The following CFAP54 variants were observed in gnomAD, a reference collection of about 807,000 sequenced individuals.
CFAP54 encodes the protein cilia- and flagella-associated protein 54.
A neutral mutation model predicts 370.4 loss-of-function variants in CFAP54; 290 were observed. That is an observed-to-expected ratio of 0.78 (90% CI 0.71 to 0.86). The LOEUF (loss-of-function observed/expected upper bound fraction) is 0.86, where lower values mean the gene tolerates loss of function less well. Ranked by LOEUF, CFAP54 falls within the 40% of genes least tolerant of loss-of-function variation. The pLI is 0.00. For missense variants in CFAP54, 3,399 were observed against 3,528.7 expected (o/e 0.96, Z 0.93); for synonymous variants, 1,206 against 1,236.5 (o/e 0.98, Z 0.52).
rs571663130 is a variant in CFAP54 at position 96,657,738 on chromosome 12, A to G, written c.5101-144A>G. 2.4e-4 allele frequency: 154 copies of G among 645,086 alleles called. No homozygotes were observed. The East Asian group carries it at 4.0e-3, about 17-fold the overall frequency. 40.0% of individuals were successfully genotyped at this position (645,086 alleles called of 1,614,324 possible). A position where few individuals can be genotyped will look rare whatever the true frequency, so the allele number is the denominator to read the frequency against. ...CTGGATAATACTGCATCAAATTATC[A>G]AGCTTTGACTTGCATAAGAAAAATA... On this transcript the variant is annotated intron_variant, in intron 36 of 67. Transcript: ENST00000524981.
At chr12:96,763,843 T>G (rs750241747) in intron 58 of CFAP54, among the ~76,000 whole-genome samples, 1 of 152,058 alleles carries the variant, frequency 6.6e-6, no homozygotes, top group Non-Finnish European at 1.5e-5. Flanking sequence ...TTATAGAAAA[T>G]TAGAAAAAAA....
intron 46 of CFAP54, among the ~76,000 whole-genome samples, chr12:96,704,462 AT>A (rs1957525713): frequency 2.0e-5 from 1 of 50,604 alleles, no homozygotes; most frequent in Non-Finnish European, 3.7e-5. Context: ...GTATATATAT[AT>A]ATATATATAT....
Position 96,761,251 on chromosome 12 carries a change from A to G in CFAP54, c.8041-2900A>G, listed in dbSNP as rs139099202. 5.9e-3 allele frequency among the ~76,000 whole-genome samples: 885 copies of G among 149,972 alleles called. 8 individuals carry two copies. Among genetic ancestry groups the G allele is most frequent in the African/African-American group, 0.02 (825 of 41,046 alleles). On this transcript the variant is annotated intron_variant, in intron 58 of 67. Coordinates refer to ENST00000524981, the MANE Select transcript of CFAP54 (RefSeq NM_001306084.2). The stretch of plus-strand genomic sequence containing the variant: ...GGATATTTTCATGTGCTTATTGGCC[A>G]TTTGTGTATCTTCTTTGGGGAAATG...
At chr12:96,493,236 A>G (rs761780355) in intron 1 of CFAP54, among the ~76,000 whole-genome samples, 3 of 152,236 alleles carry the variant, frequency 2.0e-5, no homozygotes, top group Non-Finnish European at 4.4e-5. Context: ...TGTACTTGAC[A>G]CTGGTTACAC....
chr12:96,797,129 A>G (rs149685116), intron 63 of CFAP54, among the ~76,000 whole-genome samples: 39 of 152,248 alleles, frequency 2.6e-4, no homozygotes, highest in African/African-American at 8.2e-4. Context: ...ATTCCAAACT[A>G]TGTGGAGCTT....
intron 46 of CFAP54, 138 bp downstream of exon 46, chr12:96,700,231 C>T (rs1312580165): frequency 6.4e-6 from 6 of 933,192 alleles, no homozygotes; most frequent in Non-Finnish European, 9.5e-6. Flanking sequence ...TTACAACTAA[C>T]ATCAGGATTT....
rs756351261 is a variant in CFAP54, at chr12:96,718,514, A to C, written c.6796A>C (p.Met2266Leu). 6.4e-7 allele frequency: 1 copy of C among 1,561,256 alleles called. No homozygotes were observed. Among genetic ancestry groups the C allele is most frequent in the East Asian group, 2.2e-5 (1 of 44,496 alleles). ...ACTTAAAGATGAGATCACTCTTAGC[A>C]TGCTAAAGGTAAGTTTGAAACTGTT... ...TKLKDEITLSMLKSMLLMEAE... is the reference protein window; with the variant it reads ...TKLKDEITLSLLKSMLLMEAE... The change falls in exon 49 of 68, where the codon ATG becomes CTG. Residue 2266 changes from methionine (M) to leucine (L), a missense_variant. Transcript: ENST00000524981.
chr12:96,587,883 C>T (rs777522429), intron 22 of CFAP54, among the ~76,000 whole-genome samples: 11 of 152,112 alleles, frequency 7.2e-5, no homozygotes, highest in Non-Finnish European at 7.4e-5. Context: ...ATTAACCACT[C>T]GAAGACTTGG....
intron 50 of CFAP54, among the ~76,000 whole-genome samples, chr12:96,731,484 A>C (rs1011968679): frequency 2.6e-5 from 4 of 152,230 alleles, no homozygotes; most frequent in African/African-American, 4.8e-5. Flanking sequence ...GTATTTGGCA[A>C]ATATTTTATT....
intron 23 of CFAP54, among the ~76,000 whole-genome samples, chr12:96,590,466 A>C (rs1956113733): frequency 6.6e-6 from 1 of 152,250 alleles, no homozygotes; most frequent in African/African-American, 2.4e-5. Context: ...TTAATGCCTG[A>C]AAGTTTTAAA....
chr12:96,614,542 G>A (rs958747348), intron 26 of CFAP54, among the ~76,000 whole-genome samples: 3 of 152,100 alleles, frequency 2.0e-5, no homozygotes, highest in Non-Finnish European at 4.4e-5. Flanking sequence ...AGAAATAAAG[G>A]GTATTCAATT....
At chr12:96,818,774 G>T (rs1189936626) in intron 65 of CFAP54, among the ~76,000 whole-genome samples, 1 of 152,166 alleles carries the variant, frequency 6.6e-6, no homozygotes, top group Non-Finnish European at 1.5e-5. Flanking sequence ...AGCCTAGCAT[G>T]CTCTGTTGCT....
intron 38 of CFAP54, 115 bp downstream of exon 38, chr12:96,658,461 A>G (rs1168286659): frequency 2.4e-6 from 3 of 1,240,988 alleles, no homozygotes; most frequent in Non-Finnish European, 3.4e-6. Context: ...TAGTATTTCC[A>G]CTTACTGGCA....
At chr12:96,851,944 A>T (rs900217885) in intron 66 of CFAP54, among the ~76,000 whole-genome samples, 1 of 152,102 alleles carries the variant, frequency 6.6e-6, no homozygotes, top group Non-Finnish European at 1.5e-5. Context: ...AGCTTTCATT[A>T]TTCACAGACA....
At chr12:96,571,997 A>G (rs1955923502) in intron 19 of CFAP54, among the ~76,000 whole-genome samples, 1 of 152,178 alleles carries the variant, frequency 6.6e-6, no homozygotes, top group Non-Finnish European at 1.5e-5. Context: ...CCTATTTCAA[A>G]TTGGGCCATG....
chr12:96,768,056 C>T (rs1958417806), intron 60 of CFAP54, among the ~76,000 whole-genome samples: 1 of 152,102 alleles, frequency 6.6e-6, no homozygotes, highest in Admixed American at 6.6e-5. Context: ...TGCAGTGGCT[C>T]ATGCCTGTAA....
chr12:96,597,873 G>A (rs1041748211), intron 25 of CFAP54, among the ~76,000 whole-genome samples: 5 of 151,876 alleles, frequency 3.3e-5, no homozygotes, highest in African/African-American at 1.2e-4. Context: ...CTACTAGGGT[G>A]TTCACATGAT....
chr12:96,800,808 A>T (rs1958812104), intron 63 of CFAP54, among the ~76,000 whole-genome samples: 1 of 152,196 alleles, frequency 6.6e-6, no homozygotes, highest in African/African-American at 2.4e-5. Context: ...ACTCTATAAG[A>T]TAAACGCTTT....
intron 60 of CFAP54, among the ~76,000 whole-genome samples, chr12:96,779,760 A>G (rs185862485): frequency 1.3e-4 from 20 of 151,752 alleles, no homozygotes; most frequent in African/African-American, 4.6e-4. Flanking sequence ...AACTTTTTAA[A>G]AAGAAAGTTA....
Sources: allele counts gnomAD v4.1 joint callset (sites outside exome capture counted in the v4.1 genomes callset), GRCh38; gene constraint gnomAD v4.1.1; transcripts MANE v1.5; gene names NCBI Gene and HGNC (gene_info 2026-07-23, HGNC 2026-07-21).